The following FANCA variants were observed in gnomAD, a reference collection of about 807,000 sequenced individuals.
FANCA encodes the protein Fanconi anemia group A protein.
In FANCA, 236 loss-of-function variants were observed where a neutral mutation model predicts 194.3. The observed-to-expected ratio is 1.21, with a 90% CI of 1.09 to 1.35. The LOEUF is 1.35. Among genes scored for constraint, FANCA ranks in the 40% most tolerant of loss-of-function variants. FANCA has a pLI of 0.00. For synonymous variants in FANCA, 1,014 were observed against 715.8 expected, an observed-to-expected ratio of 1.42 and a Z score of -6.65; for missense variants, 2,628 against 1,813.9, an observed-to-expected ratio of 1.45 and a Z score of -8.15.
chr16:89,764,033 G>A (rs1023961517), intron 28 of FANCA, among the ~76,000 whole-genome samples: 3 of 152,008 alleles, frequency 2.0e-5, no homozygotes, highest in African/African-American at 7.2e-5. Context: ...TTTGAGGCCA[G>A]GAGTTTAAGA....
intron 30 of FANCA, among the ~76,000 whole-genome samples, chr16:89,753,469 T>C (rs1047809879): frequency 2.0e-5 from 3 of 152,174 alleles, no homozygotes; most frequent in Non-Finnish European, 4.4e-5. Context: ...CAAGGATAGC[T>C]TAAGATCCCC....
chr16:89,792,185 G>C (rs751811630), intron 12 of FANCA, 117 bp from the exon 13 acceptor site: 3 of 1,218,544 alleles, frequency 2.5e-6, no homozygotes, highest in Non-Finnish European at 3.6e-6. Flanking sequence ...CACTGCAAAG[G>C]TAACACATGG....
intron 36 of FANCA, among the ~76,000 whole-genome samples, chr16:89,743,483 G>T (rs2062181244): frequency 6.6e-6 from 1 of 152,222 alleles, no homozygotes; most frequent in African/African-American, 2.4e-5. Context: ...CTTAAGCCCA[G>T]CAGTTTGAGA....
At position 89,764,883 on chromosome 16, in the gene FANCA, C is replaced by T. The variant is rs374581674; in HGVS notation, c.2778+7G>A. On this transcript the variant is annotated splice_region_variant and intron_variant, in intron 28 of 42. Transcript: ENST00000389301. ...GGCATGATGCAGGAGAAGGAACGGT[C>T]ACCTACGTGAACATCTTCCTCTTTC... is the stretch of plus-strand genomic sequence containing the variant. The T allele has an allele frequency of 3.7e-6, 6 of 1,613,632 alleles. No individual in the cohort carries two copies. The African/African-American group carries it at 8.0e-5, about 22-fold the overall frequency.
chr16:89,773,433 T>G, intron 21 of FANCA, 49 bp from the exon 22 acceptor site: 8 of 1,309,566 alleles, frequency 6.1e-6, no homozygotes, highest in Non-Finnish European at 7.5e-6. Flanking sequence ...AACAGGACTC[T>G]TCACTGCAAA....
intron 22 of FANCA, among the ~76,000 whole-genome samples, chr16:89,772,176 G>A (rs2143355153): frequency 6.6e-6 from 1 of 152,336 alleles, no homozygotes; most frequent in African/African-American, 2.4e-5. Flanking sequence ...AGGGAAATGG[G>A]CCACACATAG....
In FANCA at chr16:89,784,874, C is replaced by G; in HGVS notation, c.1450G>C (p.Glu484Gln). 2 of 1,614,052 alleles carry G rather than the reference C, an allele frequency of 1.2e-6. No homozygotes were observed. Among genetic ancestry groups the G allele is most frequent in the Non-Finnish European group, 1.7e-6 (2 of 1,179,914 alleles). The change falls in exon 15 of 43, where the codon GAG becomes CAG. Residue 484 changes from glutamate to glutamine, a missense_variant. Physicochemically the swap from Glu to Gln is conservative, Grantham distance 29 (BLOSUM62 2). Transcript: ENST00000389301. ...FTFLSELVPF[E>Q]SPRYLQVHIL... ...CTCACCTGCAGGTACCGGGGAGACT[C>G]AAAAGGCACGAGTTCTGACAAGAAC...
At chr16:89,800,931 A>G (rs8051712) in intron 8 of FANCA, among the ~76,000 whole-genome samples, 108,004 of 151,368 alleles carry the variant, frequency 0.71, 40,360 homozygotes, top group East Asian at 0.99. Context: ...TACTCGGGAG[A>G]CTGAGGCAGG....
At position 89,810,916 on chromosome 16, in the gene FANCA, G is replaced by T; in HGVS notation, c.426+13C>A. The T allele has an allele frequency of 3.1e-6, 5 of 1,614,122 alleles. No homozygotes were observed. Among genetic ancestry groups the T allele is most frequent in the Non-Finnish European group, 4.2e-6 (5 of 1,180,036 alleles). ...ACAACGGGCAGGTTTCCTCATCTTTGCTGGTGTCTTACTCTCTGCTCCACA... is the reference window on the plus strand; with the variant it reads ...ACAACGGGCAGGTTTCCTCATCTTTTCTGGTGTCTTACTCTCTGCTCCACA... On this transcript the variant is annotated intron_variant, in intron 4 of 42. Transcript: ENST00000389301.
chr16:89,802,147 C>T (rs566653653), intron 8 of FANCA, among the ~76,000 whole-genome samples: 52 of 152,302 alleles, frequency 3.4e-4, no homozygotes, highest in South Asian at 8.3e-4. Context: ...CTCTGTCACC[C>T]AGGCTAGAGT....
In FANCA at chr16:89,792,477, G is replaced by A. The variant is rs2040108827; in HGVS notation, c.1077C>T (p.Tyr359=). The change falls in exon 12 of 43, where the codon TAC becomes TAT. Residue 359 remains tyrosine, a synonymous_variant. Transcript: ENST00000389301. ...ARTHPLLTSL[Y]RRLFVMLSAE... ...TAATACCACATCCACTCACCCTGCG[G>A]TACAGTGAGGTGAGCAGAGGGTGTG... 1.2e-6 allele frequency: 2 copies of A among 1,613,218 alleles called. No homozygotes were observed. Among genetic ancestry groups the A allele is most frequent in the Non-Finnish European group, 1.7e-6 (2 of 1,179,938 alleles).
At chr16:89,812,646 CAAAAAAAAAA>C (rs71137677) in intron 3 of FANCA, among the ~76,000 whole-genome samples, 11 of 42,358 alleles carry the variant, frequency 2.6e-4, no homozygotes, top group South Asian at 1.1e-3. Flanking sequence ...TACTCCGTCT[CAAAAAAAAAA>C]AAAAAAAAAA....
intron 30 of FANCA, among the ~76,000 whole-genome samples, chr16:89,755,485 G>C (rs1056368912): frequency 6.6e-6 from 1 of 152,156 alleles, no homozygotes; most frequent in African/African-American, 2.4e-5. Context: ...GATTACAGGC[G>C]TGAGCCACCG....
Position 89,770,555 on chromosome 16 carries a change from C to G in FANCA, c.2222+9G>C, listed in dbSNP as rs774316742. On this transcript the variant is annotated intron_variant, in intron 24 of 42. Transcript: ENST00000389301. ...GCCCCACCACTCAGGGAGCTGCCCG[C>G]GCCTTCACCTCTCCGGGGGAGCGAC... The G allele has an allele frequency of 3.3e-5, 53 of 1,601,818 alleles. No homozygotes were observed. The highest frequency in any genetic ancestry group is 1.3e-5 in the African/African-American group (1 of 74,666).
In FANCA at chr16:89,748,768, C is replaced by G; in HGVS notation, c.3240-1G>C. 6.2e-7 allele frequency: 1 copy of G among 1,613,514 alleles called. No homozygotes were observed. The highest frequency in any genetic ancestry group is 8.5e-7 in the Non-Finnish European group (1 of 1,179,766). ...AGACGAAGGCAGGCGGAGGAGGATCCTGGAAAGAAGGGGCTGTATTGGTGG... is the reference window on the plus strand; with the variant it reads ...AGACGAAGGCAGGCGGAGGAGGATCGTGGAAAGAAGGGGCTGTATTGGTGG... On this transcript the variant is annotated splice_acceptor_variant, in intron 32 of 42. Transcript: ENST00000389301. LOFTEE classifies it high-confidence loss of function.
intron 28 of FANCA, among the ~76,000 whole-genome samples, chr16:89,764,199 A>G (rs2039048114): frequency 6.6e-6 from 1 of 152,216 alleles, no homozygotes. Flanking sequence ...CCAAGACTGC[A>G]CCACTGAGCA....
At chr16:89,767,791 G>A (rs559795131) in intron 26 of FANCA, among the ~76,000 whole-genome samples, 9 of 151,932 alleles carry the variant, frequency 5.9e-5, no homozygotes, top group South Asian at 2.1e-4. Flanking sequence ...TTCGTGCTCC[G>A]CCCACCTCAG....
intron 21 of FANCA, among the ~76,000 whole-genome samples, 186 bp downstream of exon 21, chr16:89,775,556 G>GT (rs1045621529): frequency 1.3e-5 from 2 of 152,222 alleles, no homozygotes; most frequent in African/African-American, 4.8e-5. Context: ...GGACCCCCAG[G>GT]TAAGAGTCTG....
Position 89,745,069 on chromosome 16 carries a change from C to T in FANCA, c.3516G>A (p.Val1172=). The change falls in exon 36 of 43, where the codon GTG becomes GTA. Residue 1172 remains valine, a splice_region_variant and synonymous_variant. Transcript: ENST00000389301. Reference sequence around the variant, plus strand: ...GCACAGGCTCCAGGCTCGGCCACCACACCTATGGAGAGAGCACCAGCACAC... The same window carrying T: ...GCACAGGCTCCAGGCTCGGCCACCATACCTATGGAGAGAGCACCAGCACAC... The part of the protein sequence containing the change: ...KCPLILTSAL[V]WWPSLEPVLL... 1 of 1,602,338 alleles carries T rather than the reference C, an allele frequency of 6.2e-7. No individual in the cohort carries two copies. The highest frequency in any genetic ancestry group is 8.5e-7 in the Non-Finnish European group (1 of 1,177,416).
Sources: allele counts gnomAD v4.1 joint callset (sites outside exome capture counted in the v4.1 genomes callset), GRCh38; gene constraint gnomAD v4.1.1; transcripts MANE v1.5; gene names NCBI Gene and HGNC (gene_info 2026-07-23, HGNC 2026-07-21).